Variants in RAB3GAP2 observed in about 807,000 individuals in gnomAD.
The protein encoded by RAB3GAP2 is rab3 GTPase-activating protein non-catalytic subunit.
RAB3GAP2 carries 87 observed loss-of-function variants against 185.3 expected under a neutral mutation model. That is an observed-to-expected ratio of 0.47 (90% CI 0.39 to 0.56). The LOEUF (loss-of-function observed/expected upper bound fraction) is 0.56, where lower values mean the gene tolerates loss of function less well. Among genes scored for constraint, RAB3GAP2 ranks in the 20% least tolerant of loss-of-function variants. The pLI is 0.00. For missense variants in RAB3GAP2, 1,492 were observed against 1,638.2 expected (o/e 0.91, Z 1.54); for synonymous variants, 554 against 576.1 (o/e 0.96, Z 0.55).
chr1:220,244,945 G>A (rs1659771511), intron 1 of RAB3GAP2, among the ~76,000 whole-genome samples: 1 of 152,076 alleles, frequency 6.6e-6, no homozygotes, highest in South Asian at 2.1e-4. Context: ...AAAAGCAAGT[G>A]CAGCAAAAAC....
At chr1:220,268,473 A>G (rs1571939073) in intron 1 of RAB3GAP2, among the ~76,000 whole-genome samples, 1 of 152,356 alleles carries the variant, frequency 6.6e-6, no homozygotes, top group African/African-American at 2.4e-5. Context: ...ACAAAAGAGT[A>G]TCTTACCCAT....
intron 6 of RAB3GAP2, 152 bp from the exon 7 acceptor site, chr1:220,210,641 T>C: frequency 1.0e-6 from 1 of 976,444 alleles, no homozygotes; most frequent in Non-Finnish European, 1.6e-6. Context: ...CTGTATCTTC[T>C]ACCAGAACTT....
chr1:220,271,333 G>T (rs2808018), intron 1 of RAB3GAP2: 69,175 of 151,890 alleles, frequency 0.46, 17,818 homozygotes, highest in African/African-American at 0.71. Flanking sequence ...ATGTGCTTCA[G>T]GTTGGAAATG....
chr1:220,195,321 A>C lies in RAB3GAP2; in HGVS notation c.1017T>G (p.Thr339=). 1 of 1,612,116 alleles carries C rather than the reference A, an allele frequency of 6.2e-7. No homozygotes were observed. The highest frequency in any genetic ancestry group is 2.2e-5 in the East Asian group (1 of 44,846). The part of the protein sequence containing the change: ...HVALAVASKL[T]SALFNAASGW... ...ACCTGGCAGCATTAAATAAAGCAGA[A>C]GTGAGTTTACTTGCAACTGCTAGTG... Residue 339 remains threonine (T), a synonymous_variant, in exon 11 of 35, where the codon ACT becomes ACG. Transcript: ENST00000358951.
rs575982174 is a variant in RAB3GAP2, at chr1:220,157,819, G to T, written c.3319C>A (p.Leu1107Ile). 1.2e-6 allele frequency: 2 copies of T among 1,612,818 alleles called. No homozygotes were observed. The highest frequency in any genetic ancestry group is 2.7e-5 in the African/African-American group (2 of 75,026). Residue 1107 changes from leucine (L) to isoleucine (I), a missense_variant, in exon 30 of 35, where the codon CTT (leucine) becomes ATT (isoleucine). By Grantham distance (5) the Leu-to-Ile change is conservative (BLOSUM62 2). Around this residue, in one of 5 missense-constraint regions of RAB3GAP2, gnomAD observed 387 missense variants for 455.3 expected, o/e 0.85. Coordinates refer to ENST00000358951, the MANE Select transcript of RAB3GAP2 (RefSeq NM_012414.4). The stretch of plus-strand genomic sequence containing the variant: ...TCTTTTACCTCCATTAAGATCTGAA[G>T]AAGATCCAAACAGGAGCCGAGGAAA... ...TSFLGSCLDL[L>I]QILMEADVSR... is the part of the protein sequence containing the mutation.
At chr1:220,198,709 T>G (rs1658776619) in intron 9 of RAB3GAP2, among the ~76,000 whole-genome samples, 1 of 152,190 alleles carries the variant, frequency 6.6e-6, no homozygotes, top group Non-Finnish European at 1.5e-5. Context: ...TAATTACATT[T>G]CCTTGGCTGT....
At chr1:220,152,844 C>T (rs1056603886) in intron 33 of RAB3GAP2, among the ~76,000 whole-genome samples, 1 of 152,140 alleles carries the variant, frequency 6.6e-6, no homozygotes, top group Admixed American at 6.5e-5. Context: ...GTGTGAGCCA[C>T]GACACCCGGC....
Position 220,190,416 on chromosome 1 carries a change from C to T in RAB3GAP2, c.1592G>A (p.Ser531Asn). Reference sequence around the variant, plus strand: ...GAAGGGAACGTTCACTGTTTTCACACTTCCAGACACTGGATCAACCAGACA... The same window carrying T: ...GAAGGGAACGTTCACTGTTTTCACATTTCCAGACACTGGATCAACCAGACA... ...QICLVDPVSG[S>N]VKTVNVPFHL... is the part of the protein sequence containing the mutation. Residue 531 changes from serine (S) to asparagine (N), a missense_variant, in exon 15 of 35, where the codon AGT becomes AAT. By Grantham distance (46) the Ser-to-Asn change is conservative. Coordinates refer to ENST00000358951, the MANE Select transcript of RAB3GAP2 (RefSeq NM_012414.4). 1 of 1,614,126 alleles carries T rather than the reference C, an allele frequency of 6.2e-7. No homozygotes were observed. Among genetic ancestry groups the T allele is most frequent in the Non-Finnish European group, 8.5e-7 (1 of 1,179,986 alleles).
At chr1:220,243,223 AGG>A (rs1659731524) in intron 1 of RAB3GAP2, among the ~76,000 whole-genome samples, 1 of 151,844 alleles carries the variant, frequency 6.6e-6, no homozygotes, top group South Asian at 2.1e-4. Context: ...GTGTGGTGGC[AGG>A]CGCCTGTAGT....
At chr1:220,167,443 G>A (rs1405643075) in intron 25 of RAB3GAP2, 44 bp from the exon 26 acceptor site, 1 of 1,612,428 alleles carries the variant, frequency 6.2e-7, no homozygotes, top group Non-Finnish European at 8.5e-7. Flanking sequence ...TTTCCTTAAT[G>A]AACACTTGGC....
At chr1:220,251,881 G>A (rs111491881) in intron 1 of RAB3GAP2, among the ~76,000 whole-genome samples, 7 of 152,172 alleles carry the variant, frequency 4.6e-5, no homozygotes, top group East Asian at 1.9e-4. Context: ...GACTGGGTGC[G>A]GTGGCTCATG....
intron 24 of RAB3GAP2, 118 bp from the exon 25 acceptor site, chr1:220,167,793 A>G: frequency 2.7e-6 from 3 of 1,101,382 alleles, no homozygotes; most frequent in Non-Finnish European, 2.7e-6. Context: ...CTCAGCCTGA[A>G]GCTGACCCGA....
At chr1:220,253,658 G>A in intron 1 of RAB3GAP2, 1 of 1,598,216 alleles carries the variant, frequency 6.3e-7, no homozygotes, top group Middle Eastern at 2.1e-4. Context: ...GAAGCAAAGT[G>A]TGTAAAGGTT....
chr1:220,236,376 C>G (rs1659591554), intron 1 of RAB3GAP2, among the ~76,000 whole-genome samples: 1 of 152,080 alleles, frequency 6.6e-6, no homozygotes, highest in Admixed American at 6.6e-5. Context: ...GGGGGTTTCA[C>G]CATGTTGGCC....
At position 220,176,460 on chromosome 1, in the gene RAB3GAP2, A is replaced by AG. The variant is rs1658291484; in HGVS notation, c.2311-3719dup. ...GCCCAGAAACAGCCCAGTCCCCACA[A>AG]GGGGCTTGGCTACTTCCCTGTTTGC... On this transcript the variant is annotated intron_variant, in intron 21 of 34. Coordinates refer to ENST00000358951, the MANE Select transcript of RAB3GAP2 (RefSeq NM_012414.4). Among the ~76,000 whole-genome samples the AG allele has an allele frequency of 2.0e-5, 3 of 152,144 alleles. No individual in the cohort carries two copies. The South Asian group carries it at 6.2e-4, about 32-fold the overall frequency.
rs777414532 is a variant in RAB3GAP2, at chr1:220,164,793, G to T, written c.3094C>A (p.Arg1032Ser). 1.9e-6 allele frequency: 3 copies of T among 1,607,758 alleles called. No individual in the cohort carries two copies. Among genetic ancestry groups the T allele is most frequent in the South Asian group, 1.1e-5 (1 of 90,206 alleles). ...TGTTCTATTGACCTAACAAAAAAACGTGCTTCCTTACATACAGGGAGAAAA... is the reference window on the plus strand; with the variant it reads ...TGTTCTATTGACCTAACAAAAAAACTTGCTTCCTTACATACAGGGAGAAAA... The part of the protein sequence containing the change: ...VQWNKDPEEA[R>S]FFVRSIEHLK... The change falls in exon 27 of 35, where the codon CGT (arginine) becomes AGT (serine). Residue 1032 changes from arginine to serine, a missense_variant. By Grantham distance (110) the Arg-to-Ser change is moderately radical (BLOSUM62 -1). Transcript: ENST00000358951.
At chr1:220,201,097 A>G (rs1466060879) in intron 9 of RAB3GAP2, among the ~76,000 whole-genome samples, 1 of 152,210 alleles carries the variant, frequency 6.6e-6, no homozygotes, top group Admixed American at 6.5e-5. Context: ...TCACACTTTC[A>G]GACAACAGAG....
intron 7 of RAB3GAP2, chr1:220,207,779 C>T (rs950419867): frequency 2.0e-5 from 3 of 152,238 alleles, no homozygotes; most frequent in African/African-American, 7.2e-5. Flanking sequence ...AATCTGTAGA[C>T]ACTGTGCTAG....
chr1:220,184,256 T>C (rs1351842496), intron 18 of RAB3GAP2, 93 bp from the exon 19 acceptor site: 3 of 1,204,376 alleles, frequency 2.5e-6, no homozygotes, highest in Non-Finnish European at 2.4e-6. Context: ...TATTATGTAA[T>C]TCCCTGATGC....
Sources: allele counts gnomAD v4.1 joint callset (sites outside exome capture counted in the v4.1 genomes callset), GRCh38; gene constraint gnomAD v4.1.1; regional missense constraint gnomAD v4.1.1; transcripts MANE v1.5; gene names NCBI Gene and HGNC (gene_info 2026-07-23, HGNC 2026-07-21).